The following HECW2 variants were observed in gnomAD, a reference collection of about 807,000 sequenced individuals.
HECW2 encodes HECT, C2 and WW domain containing E3 ubiquitin protein ligase 2, also known as E3 ubiquitin-protein ligase HECW2.
In HECW2, 61 loss-of-function variants were observed where a neutral mutation model predicts 175.2. The ratio of observed to expected loss-of-function variants is 0.35; its 90% CI spans 0.28 to 0.43. The LOEUF is 0.43. Ranked by LOEUF, HECW2 falls within the 20% of genes least tolerant of loss-of-function variation. The pLI is 1.00. For missense variants in HECW2, 1,524 were observed against 2,000.5 expected (o/e 0.76, Z 4.54); for synonymous variants, 671 against 731.0 (o/e 0.92, Z 1.32).
chr2:196,542,559 T>C (rs1204944713), intron 1 of HECW2, among the ~76,000 whole-genome samples: 1 of 151,946 alleles, frequency 6.6e-6, no homozygotes, highest in Non-Finnish European at 1.5e-5. Flanking sequence ...TCAAAGGCAA[T>C]AAGATGGTAA....
At chr2:196,499,242 T>C (rs1327047000) in intron 1 of HECW2, among the ~76,000 whole-genome samples, 1 of 149,616 alleles carries the variant, frequency 6.7e-6, no homozygotes, top group African/African-American at 2.5e-5. Context: ...CTTCTTACAA[T>C]AGAAACCAGA....
At chr2:196,203,940 C>T (rs1686966789) in intron 28 of HECW2, among the ~76,000 whole-genome samples, 8 of 152,142 alleles carry the variant, frequency 5.3e-5, no homozygotes, top group Admixed American at 5.2e-4. Flanking sequence ...ACCCTATGTA[C>T]TTCATATAAG....
chr2:196,409,637 C>T (rs1485139775), intron 2 of HECW2, among the ~76,000 whole-genome samples: 3 of 152,160 alleles, frequency 2.0e-5, no homozygotes, highest in Admixed American at 1.3e-4. Context: ...CAGACAGCCT[C>T]CAGCTGACTC....
intron 17 of HECW2, among the ~76,000 whole-genome samples, chr2:196,269,121 T>C (rs1689629501): frequency 6.6e-6 from 1 of 152,234 alleles, no homozygotes; most frequent in Admixed American, 6.5e-5. Context: ...ACAGTGTTTA[T>C]AGTATAATAC....
At chr2:196,494,776 T>C (rs911229999) in intron 1 of HECW2, among the ~76,000 whole-genome samples, 2 of 152,226 alleles carry the variant, frequency 1.3e-5, no homozygotes, top group Non-Finnish European at 1.5e-5. Context: ...GCTTAATCAC[T>C]TGACAGATCT....
chr2:196,458,879 C>T (rs529052703), intron 1 of HECW2, among the ~76,000 whole-genome samples: 1 of 151,692 alleles, frequency 6.6e-6, no homozygotes, highest in Non-Finnish European at 1.5e-5. Context: ...ACAACAACAA[C>T]AAAAAAGATA....
intron 18 of HECW2, 93 bp from the exon 19 acceptor site, chr2:196,254,122 C>T (rs1301265757): frequency 8.6e-6 from 13 of 1,514,974 alleles, no homozygotes; most frequent in Admixed American, 1.9e-5. Flanking sequence ...ATCCAAGATC[C>T]GGTTTATATC....
intron 1 of HECW2, among the ~76,000 whole-genome samples, chr2:196,539,402 G>A (rs1165732850): frequency 6.6e-6 from 1 of 152,204 alleles, no homozygotes; most frequent in Non-Finnish European, 1.5e-5. Context: ...GGAGGCCGAG[G>A]CGGGTGGATC....
intron 4 of HECW2, among the ~76,000 whole-genome samples, chr2:196,333,019 T>C (rs1054536385): frequency 7.2e-5 from 11 of 151,946 alleles, no homozygotes; most frequent in Non-Finnish European, 1.6e-4. Context: ...CTATTCCCTC[T>C]GCCTGCAACG....
intron 3 of HECW2, 102 bp from the exon 4 acceptor site, chr2:196,334,620 A>G (rs1692484351): frequency 1.2e-6 from 1 of 816,868 alleles, no homozygotes; most frequent in African/African-American, 1.7e-5. Context: ...AATCCTACTC[A>G]TGACTCTGAA....
chr2:196,287,154 G>A (rs541728498), intron 14 of HECW2, among the ~76,000 whole-genome samples: 3 of 152,258 alleles, frequency 2.0e-5, no homozygotes, highest in Non-Finnish European at 4.4e-5. Context: ...GGTTCTCAAA[G>A]ATGAGTATTT....
intron 21 of HECW2, among the ~76,000 whole-genome samples, chr2:196,233,884 T>A (rs2105857992): frequency 6.6e-6 from 1 of 152,322 alleles, no homozygotes; most frequent in South Asian, 2.1e-4. Flanking sequence ...ACTGGTTGGT[T>A]ACTTTATAAG....
At chr2:196,229,334 T>C (rs1687964519) in intron 21 of HECW2, among the ~76,000 whole-genome samples, 3 of 152,034 alleles carry the variant, frequency 2.0e-5, no homozygotes, top group African/African-American at 7.2e-5. Flanking sequence ...ATCTGAGTCT[T>C]GTTCAGTGAT....
At chr2:196,220,235 C>T in intron 25 of HECW2, 82 bp from the exon 26 acceptor site, 1 of 884,758 alleles carries the variant, frequency 1.1e-6, no homozygotes, top group South Asian at 1.4e-5. Context: ...AAAGGGGACA[C>T]ATGGAGTTTC....
At chr2:196,588,126 C>G (rs1691054410) in intron 1 of HECW2, among the ~76,000 whole-genome samples, 1 of 152,204 alleles carries the variant, frequency 6.6e-6, no homozygotes. Context: ...TCATCTCCTT[C>G]TAGCATCATA....
At chr2:196,404,822 T>C (rs1285550970) in intron 2 of HECW2, among the ~76,000 whole-genome samples, 4 of 5,100 alleles carry the variant, frequency 7.8e-4, no homozygotes, top group Non-Finnish European at 4.3e-3. Flanking sequence ...TTCTTCTCTT[T>C]TTTTTTTTTT....
intron 1 of HECW2, among the ~76,000 whole-genome samples, chr2:196,532,420 T>C (rs915014952): frequency 6.6e-6 from 1 of 151,628 alleles, no homozygotes. Context: ...TAAGTGGGAG[T>C]TGAACAAGGA....
In HECW2 at chr2:196,559,115, G is replaced by A. The variant is rs1689909744; in HGVS notation, c.-36+34393C>T. Among the ~76,000 whole-genome samples the A allele has an allele frequency of 2.0e-5, 3 of 152,236 alleles. 1 individual carries two copies. The East Asian group carries it at 5.8e-4, about 29-fold the overall frequency. ...TGCAGAACTAATAAGCAGGAGAGCT[G>A]GGATTCAAACCACATCTACCTAATT... is the stretch of plus-strand genomic sequence containing the variant. On this transcript the variant is annotated intron_variant, in intron 1 of 28. Coordinates refer to ENST00000644978, the MANE Select transcript of HECW2 (RefSeq NM_001348768.2).
chr2:196,267,582 T>C (rs1358874264), intron 17 of HECW2, among the ~76,000 whole-genome samples: 2 of 151,942 alleles, frequency 1.3e-5, no homozygotes, highest in Non-Finnish European at 2.9e-5. Flanking sequence ...ATTTGCGTGA[T>C]AAATGAATTT....
Sources: allele counts gnomAD v4.1 joint callset (sites outside exome capture counted in the v4.1 genomes callset), GRCh38; gene constraint gnomAD v4.1.1; transcripts MANE v1.5; gene names NCBI Gene and HGNC (gene_info 2026-07-23, HGNC 2026-07-21).